Variants in MYO18B observed in about 807,000 individuals in gnomAD.
MYO18B encodes myosin XVIIIB, also known as unconventional myosin-XVIIIb.
A neutral mutation model predicts 273.0 loss-of-function variants in MYO18B; 204 were observed. The ratio of observed to expected loss-of-function variants is 0.75; its 90% CI spans 0.67 to 0.84. The LOEUF is 0.84. Among genes scored for constraint, MYO18B ranks in the 40% least tolerant of loss-of-function variants. The pLI is 0.00. For missense variants in MYO18B, 3,212 were observed against 3,287.6 expected (o/e 0.98, Z 0.56); for synonymous variants, 1,330 against 1,305.7 (o/e 1.02, Z -0.40).
chr22:26,010,244 C>T (rs888655276), intron 42 of MYO18B, among the ~76,000 whole-genome samples: 1 of 152,188 alleles, frequency 6.6e-6, no homozygotes. Flanking sequence ...CTGGCAAAGA[C>T]CTTTCAACTC....
intron 38 of MYO18B, among the ~76,000 whole-genome samples, chr22:25,954,079 T>C (rs1027018756): frequency 3.3e-5 from 5 of 152,358 alleles, no homozygotes; most frequent in Admixed American, 2.0e-4. Flanking sequence ...GAAATATTCA[T>C]GTGGGTCCCG....
intron 29 of MYO18B, chr22:25,901,507 A>G (rs578248067): frequency 3.3e-5 from 5 of 152,302 alleles, no homozygotes; most frequent in Admixed American, 3.3e-4. Context: ...ACAAGGCATT[A>G]ATTCCCTGGA....
At chr22:25,876,050 G>GTGT in intron 23 of MYO18B, 139 bp from the exon 24 acceptor site, 1 of 607,276 alleles carries the variant, frequency 1.6e-6, no homozygotes, top group Non-Finnish European at 2.8e-6. Context: ...GTGTGTATGT[G>GTGT]TTTTAAGGTA....
intron 33 of MYO18B, among the ~76,000 whole-genome samples, chr22:25,920,786 C>T (rs984742902): frequency 6.6e-6 from 1 of 152,198 alleles, no homozygotes; most frequent in Non-Finnish European, 1.5e-5. Context: ...ATTAATAACT[C>T]TCCAGAAGTC....
intron 33 of MYO18B, among the ~76,000 whole-genome samples, chr22:25,912,529 A>G (rs2092178271): frequency 6.6e-6 from 1 of 152,244 alleles, no homozygotes; most frequent in African/African-American, 2.4e-5. Flanking sequence ...TTAGTCACCA[A>G]GTTGGATCCT....
intron 12 of MYO18B, among the ~76,000 whole-genome samples, chr22:25,802,712 T>C (rs12162863): frequency 0.067 from 9,544 of 142,100 alleles, 558 homozygotes; most frequent in East Asian, 0.21. Flanking sequence ...GAGATCGCGC[T>C]GCTGCACTCC....
chr22:25,986,440 C>T (rs376615586), intron 39 of MYO18B, among the ~76,000 whole-genome samples: 2 of 151,928 alleles, frequency 1.3e-5, no homozygotes, highest in African/African-American at 4.8e-5. Context: ...CCATTGCTAC[C>T]ACTTTGTTGC....
intron 12 of MYO18B, among the ~76,000 whole-genome samples, chr22:25,811,937 T>A (rs1386933871): frequency 6.6e-6 from 1 of 152,192 alleles, no homozygotes; most frequent in Non-Finnish European, 1.5e-5. Flanking sequence ...TCCCTGGATG[T>A]TAACACGGAC....
chr22:25,887,606 C>T (rs1369900623), intron 25 of MYO18B, among the ~76,000 whole-genome samples: 2 of 152,130 alleles, frequency 1.3e-5, no homozygotes, highest in Non-Finnish European at 2.9e-5. Context: ...AACCAGACTC[C>T]CCCCTTCATT....
chr22:25,975,734 A>G (rs1283516065), intron 39 of MYO18B, among the ~76,000 whole-genome samples: 1 of 152,204 alleles, frequency 6.6e-6, no homozygotes, highest in Non-Finnish European at 1.5e-5. Context: ...GTTAAGGTGC[A>G]GATTCTGACT....
At chr22:25,950,310 C>G in intron 36 of MYO18B, 57 bp from the exon 37 acceptor site, 3 of 1,462,404 alleles carry the variant, frequency 2.1e-6, no homozygotes, top group Non-Finnish European at 1.9e-6. Flanking sequence ...GGTGGTTTCC[C>G]AGCAAGGCTT....
chr22:25,933,582 G>C (rs183275340), intron 34 of MYO18B, among the ~76,000 whole-genome samples: 1 of 152,034 alleles, frequency 6.6e-6, no homozygotes, highest in Non-Finnish European at 1.5e-5. Context: ...ATATTATTGC[G>C]TGTGTTTTAG....
chr22:25,888,662 A>G (rs1001453519), intron 25 of MYO18B, among the ~76,000 whole-genome samples: 2 of 152,196 alleles, frequency 1.3e-5, no homozygotes, highest in Non-Finnish European at 2.9e-5. Flanking sequence ...CATGCTGGAG[A>G]CAACCAGGAA....
intron 18 of MYO18B, among the ~76,000 whole-genome samples, chr22:25,844,485 C>T (rs1024484330): frequency 5.9e-5 from 9 of 152,132 alleles, no homozygotes; most frequent in Non-Finnish European, 1.2e-4. Context: ...CAGATGGGCA[C>T]CAGGATGAGA....
At chr22:25,935,645 T>C (rs578194072) in intron 34 of MYO18B, among the ~76,000 whole-genome samples, 2 of 152,098 alleles carry the variant, frequency 1.3e-5, no homozygotes, top group Admixed American at 6.5e-5. Context: ...TTGGTTATAA[T>C]TGGGCTTCCC....
At chr22:26,041,737 C>T in the MYO18B span, among the ~76,000 whole-genome samples, 1 of 152,094 alleles carries the variant, frequency 6.6e-6, no homozygotes, top group South Asian at 2.1e-4. Context: ...GAAGATGGCT[C>T]AGACCAGAGT....
At chr22:26,055,268 A>G in the MYO18B span, among the ~76,000 whole-genome samples, 4 of 152,114 alleles carry the variant, frequency 2.6e-5, no homozygotes, top group Admixed American at 1.3e-4. Flanking sequence ...TAGCATGACA[A>G]CCTTCCCTTG....
chr22:26,027,959 T>G lies in MYO18B; in HGVS notation c.*12+269T>G, dbSNP rs1209334194. On this transcript the variant is annotated intron_variant, in intron 43 of 43. Transcript: ENST00000335473. The surrounding 1 kb of genome is among the most constrained non-coding windows in gnomAD (Gnocchi z 4.1). ...GGATACCGCTAAAGAAGGTGCCAGA[T>G]GTAGCCGGGCGCGGTGGCTCACGCC... Among the ~76,000 whole-genome samples the G allele has an allele frequency of 6.6e-6, 1 of 152,204 alleles. No homozygotes were observed. Among genetic ancestry groups the G allele is most frequent in the East Asian group, 1.9e-4 (1 of 5,186 alleles).
In MYO18B at chr22:26,026,466, C is replaced by CA. The variant is rs1936246858; in HGVS notation, c.6493dup (p.Thr2165AsnfsTer2). 6.2e-7 allele frequency: 1 copy of CA among 1,612,564 alleles called. No individual in the cohort carries two copies. On this transcript the variant is annotated frameshift_variant, in exon 43 of 44. Transcript: ENST00000335473. LOFTEE classifies it high-confidence loss of function. ...ACAGGATAAACGAAGAGGCTGGGGA[C>CA]ACTGAGAGGACCCAGTCGGCATTGG...
Sources: allele counts gnomAD v4.1 joint callset (sites outside exome capture counted in the v4.1 genomes callset), GRCh38; gene constraint gnomAD v4.1.1; non-coding constraint Gnocchi (gnomAD v3.1); transcripts MANE v1.5; gene names NCBI Gene and HGNC (gene_info 2026-07-23, HGNC 2026-07-21).